PSTPIP2: variants seen among roughly 807,000 people sequenced by gnomAD.
PSTPIP2 encodes proline-serine-threonine phosphatase-interacting protein 2.
A neutral mutation model predicts 63.3 loss-of-function variants in PSTPIP2; 33 were observed. The observed-to-expected ratio is 0.52, with a 90% CI of 0.40 to 0.70. The LOEUF (loss-of-function observed/expected upper bound fraction) is 0.70, where lower values mean the gene tolerates loss of function less well. PSTPIP2 is among the 30% of genes least tolerant of loss of function. The pLI is 0.00. For synonymous variants in PSTPIP2, 125 were observed against 132.7 expected, an observed-to-expected ratio of 0.94 and a Z score of 0.40; for missense variants, 312 against 400.7, an observed-to-expected ratio of 0.78 and a Z score of 1.89.
intron 9 of PSTPIP2, among the ~76,000 whole-genome samples, chr18:45,996,269 A>G (rs2051593436): frequency 6.6e-6 from 1 of 152,234 alleles, no homozygotes; most frequent in South Asian, 2.1e-4. Flanking sequence ...TTCTGTGCTA[A>G]CAGGAAAAAA....
At chr18:45,992,284 G>A (rs1268103515) in intron 10 of PSTPIP2, 82 bp from the exon 11 acceptor site, 15 of 1,168,152 alleles carry the variant, frequency 1.3e-5, no homozygotes, top group South Asian at 5.3e-5. Flanking sequence ...GGTTTGAGGC[G>A]GGGCGCAGTG....
At chr18:46,043,280 A>C (rs1348142138) in intron 1 of PSTPIP2, among the ~76,000 whole-genome samples, 1 of 149,698 alleles carries the variant, frequency 6.7e-6, no homozygotes, top group East Asian at 1.9e-4. Flanking sequence ...AGTCCCAGCT[A>C]CTTGGGAGGC....
At chr18:46,065,018 C>A (rs1909129986) in intron 1 of PSTPIP2, among the ~76,000 whole-genome samples, 1 of 151,426 alleles carries the variant, frequency 6.6e-6, no homozygotes, top group South Asian at 2.1e-4. Flanking sequence ...GTGGTGCATG[C>A]CTGTAATTCC....
rs534950641 is a variant in PSTPIP2 at position 46,067,502 on chromosome 18, C to CAAAA, written c.33+4650_33+4653dup. 9.0e-3 allele frequency among the ~76,000 whole-genome samples: 1,067 copies of CAAAA among 118,240 alleles called. 26 individuals are homozygous for CAAAA. Among genetic ancestry groups the CAAAA allele is most frequent in the African/African-American group, 0.032 (993 of 31,496 alleles). The allele number at this position is 118,240 out of a possible 152,430, so 77.6% of individuals were successfully genotyped here. On this transcript the variant is annotated intron_variant, in intron 1 of 14. Transcript: ENST00000409746. ...TGGGCAACAGGGCGAGACTCTGTCT[C>CAAAA]AAAAAAAAAAAAAAAAAATGTTGGC...
intron 1 of PSTPIP2, among the ~76,000 whole-genome samples, chr18:46,061,727 C>A (rs1909000625): frequency 6.6e-6 from 1 of 152,186 alleles, no homozygotes; most frequent in African/African-American, 2.4e-5. Context: ...AGGCCTGAGT[C>A]AATACTTTTT....
intron 9 of PSTPIP2, among the ~76,000 whole-genome samples, chr18:45,994,520 G>A (rs1377529296): frequency 2.0e-5 from 3 of 152,116 alleles, no homozygotes; most frequent in African/African-American, 7.2e-5. Context: ...TACCCCCACA[G>A]TTTCTGATTC....
intron 1 of PSTPIP2, among the ~76,000 whole-genome samples, chr18:46,069,194 G>T (rs542713696): frequency 2.0e-5 from 3 of 152,118 alleles, no homozygotes; most frequent in African/African-American, 7.2e-5. Context: ...CTTCCAAAAC[G>T]GGTCCCACTG....
At chr18:46,021,282 C>T (rs1016674234) in intron 3 of PSTPIP2, among the ~76,000 whole-genome samples, 2 of 152,148 alleles carry the variant, frequency 1.3e-5, no homozygotes, top group East Asian at 3.9e-4. Flanking sequence ...GTTACATAAT[C>T]ACACAGAGCA....
intron 13 of PSTPIP2, among the ~76,000 whole-genome samples, chr18:45,989,502 G>T (rs1390519016): frequency 6.6e-6 from 1 of 152,140 alleles, no homozygotes; most frequent in African/African-American, 2.4e-5. Context: ...TTTCTTCCCA[G>T]TCTTGGGTAT....
chr18:46,014,136 C>A (rs558429676), intron 4 of PSTPIP2, among the ~76,000 whole-genome samples: 2 of 152,200 alleles, frequency 1.3e-5, no homozygotes, highest in South Asian at 4.1e-4. Flanking sequence ...GATTCTCGTG[C>A]CTCAGCCTCT....
intron 10 of PSTPIP2, among the ~76,000 whole-genome samples, chr18:45,993,283 C>T (rs767333235): frequency 2.0e-5 from 3 of 152,018 alleles, no homozygotes; most frequent in Non-Finnish European, 2.9e-5. Context: ...TTAGTAGAGA[C>T]GGAGTTTCAC....
intron 3 of PSTPIP2, 107 bp from the exon 4 acceptor site, chr18:46,016,044 T>C (rs557887951): frequency 7.5e-7 from 1 of 1,328,208 alleles, no homozygotes; most frequent in South Asian, 1.3e-5. Context: ...ACTTAGAAAC[T>C]ACAGACCAAT....
At chr18:46,018,775 G>A (rs561166302) in intron 3 of PSTPIP2, among the ~76,000 whole-genome samples, 18 of 152,310 alleles carry the variant, frequency 1.2e-4, no homozygotes, top group Middle Eastern at 3.4e-3. Context: ...AATCCAGAGA[G>A]CTAAGTGACC....
chr18:46,029,766 T>G, intron 2 of PSTPIP2: 1 of 557,168 alleles, frequency 1.8e-6, no homozygotes, highest in Non-Finnish European at 3.3e-6. Context: ...CTATTTCTCA[T>G]GTTTACGCCA....
chr18:46,062,943 G>T (rs1212043542), intron 1 of PSTPIP2, among the ~76,000 whole-genome samples: 1 of 152,138 alleles, frequency 6.6e-6, no homozygotes, highest in Non-Finnish European at 1.5e-5. Flanking sequence ...TCCTCATTTT[G>T]CAGGTCCACA....
At chr18:46,070,497 G>A (rs1345279501) in intron 1 of PSTPIP2, among the ~76,000 whole-genome samples, 2 of 152,222 alleles carry the variant, frequency 1.3e-5, no homozygotes, top group Non-Finnish European at 1.5e-5. Flanking sequence ...GGATTGTGTT[G>A]TTTGGTTGGG....
chr18:46,051,659 A>G (rs1369616762), intron 1 of PSTPIP2, among the ~76,000 whole-genome samples: 2 of 152,176 alleles, frequency 1.3e-5, no homozygotes, highest in Non-Finnish European at 2.9e-5. Context: ...AAACATCAAC[A>G]TGATCCAAAT....
At chr18:46,011,018 T>C in intron 5 of PSTPIP2, 163 bp downstream of exon 5, 1 of 621,154 alleles carries the variant, frequency 1.6e-6, no homozygotes, top group South Asian at 2.0e-5. Context: ...TAGAAATGCA[T>C]ATACCCATCT....
At chr18:46,061,325 C>T (rs1351855746) in intron 1 of PSTPIP2, among the ~76,000 whole-genome samples, 3 of 150,294 alleles carry the variant, frequency 2.0e-5, no homozygotes, top group Admixed American at 2.0e-4. Flanking sequence ...AAAAAAAAAT[C>T]ATATATGAAG....
Sources: allele counts gnomAD v4.1 joint callset (sites outside exome capture counted in the v4.1 genomes callset), GRCh38; gene constraint gnomAD v4.1.1; transcripts MANE v1.5; gene names NCBI Gene and HGNC (gene_info 2026-07-23, HGNC 2026-07-21).